Variants in ERLIN2 observed in about 807,000 individuals in gnomAD.
ERLIN2 encodes the protein ER lipid raft associated 2.
Under a neutral mutation model 41.5 loss-of-function variants are expected in ERLIN2, and 22 were observed. That is an observed-to-expected ratio of 0.53 (90% CI 0.38 to 0.76). The LOEUF (loss-of-function observed/expected upper bound fraction) is 0.76, where lower values mean the gene tolerates loss of function less well. Ranked by LOEUF, ERLIN2 falls within the 30% of genes least tolerant of loss-of-function variation. The pLI is 0.00. For synonymous variants in ERLIN2, 149 were observed against 150.9 expected, an observed-to-expected ratio of 0.99 and a Z score of 0.09; for missense variants, 247 against 414.3, an observed-to-expected ratio of 0.60 and a Z score of 3.51.
At chr8:37,743,477 T>C (rs1408147878) in intron 4 of ERLIN2, among the ~76,000 whole-genome samples, 2 of 152,218 alleles carry the variant, frequency 1.3e-5, no homozygotes, top group Non-Finnish European at 2.9e-5. Flanking sequence ...ATACCAGACC[T>C]TTTGGATTAC....
chr8:37,746,558 G>T, intron 6 of ERLIN2: 1 of 958,872 alleles, frequency 1.0e-6, no homozygotes, highest in Non-Finnish European at 1.2e-6. Context: ...AGATCATTTT[G>T]TTTATCTCAC....
In ERLIN2 at chr8:37,738,153, T is replaced by A. The variant is rs1802720866; in HGVS notation, c.107+124T>A. ...TATTTCCTTGAATAGGGGAGCCTTT[T>A]CAGATGGAGCTTTTTATGTCAGTAA... On this transcript the variant is annotated intron_variant, in intron 2 of 11. Coordinates refer to ENST00000519638, the MANE Select transcript of ERLIN2 (RefSeq NM_007175.8). The A allele has an allele frequency of 4.6e-6, 5 of 1,077,660 alleles. No individual in the cohort carries two copies. The South Asian group carries it at 6.5e-5, about 14-fold the overall frequency. The allele number at this position is 1,077,660 out of a possible 1,614,324, so 66.8% of individuals were successfully genotyped here.
At position 37,741,916 on chromosome 8, in the gene ERLIN2, T is replaced by TTCA; in HGVS notation, c.236+98_236+99insTCA. ...AGACAGTGAAAAGGGAGGCACCCTT[T>TTCA]CTTGGTTAATTCCCTGTCTCGTAGC... On this transcript the variant is annotated intron_variant, in intron 4 of 11. Transcript: ENST00000519638. This position sits in a 1 kb window ranked among gnomAD's most constrained non-coding sequence, Gnocchi z 4.8. 1.1e-6 allele frequency: 1 copy of TTCA among 897,634 alleles called. No individual in the cohort carries two copies. Among genetic ancestry groups the TTCA allele is most frequent in the Non-Finnish European group, 1.9e-6 (1 of 535,908 alleles). 55.6% of individuals were successfully genotyped at this position (897,634 alleles called of 1,614,324 possible). A position where few individuals can be genotyped will look rare whatever the true frequency, so the allele number is the denominator to read the frequency against.
chr8:37,746,152 A>G (rs1803041412), intron 6 of ERLIN2: 1 of 991,442 alleles, frequency 1.0e-6, no homozygotes, highest in South Asian at 4.6e-5. Flanking sequence ...TTGGCTTAGA[A>G]TCTGTCATAT....
At chr8:37,742,566 A>G (rs1802887812) in intron 4 of ERLIN2, among the ~76,000 whole-genome samples, 1 of 152,160 alleles carries the variant, frequency 6.6e-6, no homozygotes, top group Non-Finnish European at 1.5e-5. Flanking sequence ...AGAAAACCAA[A>G]CACCACATGT....
chr8:37,740,606 A>G (rs903212460), intron 3 of ERLIN2, 160 bp downstream of exon 3: 1 of 194,330 alleles, frequency 5.1e-6, no homozygotes, highest in Non-Finnish European at 9.8e-6. Context: ...ATATATATAT[A>G]TACACACATA....
chr8:37,741,143 AGG>A lies in ERLIN2; in HGVS notation c.190-628_190-627del, dbSNP rs1802838602. ...TGCTAGGGTCTGAGACAGGTTAAAT[AGG>A]TAATCTGCTGTTTCAAAACTAGTAC... On this transcript the variant is annotated intron_variant, in intron 3 of 11. Transcript: ENST00000519638. The surrounding 1 kb of genome is among the most constrained non-coding windows in gnomAD (Gnocchi z 4.8). Among the ~76,000 whole-genome samples, 1 of 152,184 alleles carries A rather than the reference AGG, an allele frequency of 6.6e-6. No individual in the cohort carries two copies. The highest frequency in any genetic ancestry group is 1.5e-5 in the Non-Finnish European group (1 of 68,048).
intron 1 of ERLIN2, chr8:37,737,293 T>G: frequency 6.4e-6 from 1 of 157,078 alleles, no homozygotes; most frequent in Non-Finnish European, 1.4e-5. Flanking sequence ...TGGGGGGGAG[T>G]GTGGCTTCAG....
rs1159588596 is a variant in ERLIN2 at position 37,758,264 on chromosome 8, T to C, written c.*4149T>C. The stretch of plus-strand genomic sequence containing the variant: ...TACACAAATAATATGATCTTAACAA[T>C]TGAATAGTTATGTTAAGAGTGTAGT... On this transcript the variant is annotated 3_prime_UTR_variant, in exon 12 of 12. Coordinates refer to ENST00000519638, the MANE Select transcript of ERLIN2 (RefSeq NM_007175.8). 1 of 152,204 alleles carries C rather than the reference T, an allele frequency of 6.6e-6. No homozygotes were observed. The highest frequency in any genetic ancestry group is 1.5e-5 in the Non-Finnish European group (1 of 68,048). The allele number at this position is 152,204 out of a possible 1,614,324, so 9.4% of individuals were successfully genotyped here.
At chr8:37,748,019 A>T (rs749416176) in intron 6 of ERLIN2, 6 of 1,604,132 alleles carry the variant, frequency 3.7e-6, no homozygotes, top group Non-Finnish European at 4.3e-6. Context: ...TCCAGGAGCA[A>T]CCTGAAAAAC....
At position 37,736,715 on chromosome 8, in the gene ERLIN2, C is replaced by G. The variant is rs981781056; in HGVS notation, c.-16+37C>G. On this transcript the variant is annotated intron_variant, in intron 1 of 11. Coordinates refer to ENST00000519638, the MANE Select transcript of ERLIN2 (RefSeq NM_007175.8). ...CCGCCCCTTCGTGCGCGCGCTGGGC[C>G]TAGCTGCCGCTCAGGGTCGGGGCTG... 5.1e-6 allele frequency: 5 copies of G among 985,602 alleles called. No individual in the cohort carries two copies. The African/African-American group carries it at 8.7e-5, about 17-fold the overall frequency. The allele number at this position is 985,602 out of a possible 1,614,324, so 61.1% of individuals were successfully genotyped here. A position where few individuals can be genotyped will look rare whatever the true frequency, so the allele number is the denominator to read the frequency against.
intron 6 of ERLIN2, among the ~76,000 whole-genome samples, chr8:37,748,309 G>A (rs1195715766): frequency 6.6e-6 from 1 of 152,180 alleles, no homozygotes; most frequent in African/African-American, 2.4e-5. Flanking sequence ...AGTTTGGTTG[G>A]TATTCTACTT....
chr8:37,749,646 C>T lies in ERLIN2; in HGVS notation c.498+14C>T. 1 of 1,604,160 alleles carries T rather than the reference C, an allele frequency of 6.2e-7. No homozygotes were observed. ...CTGGTCATTCAAGTAAGCATTGCTG[C>T]ATGGGAGCAGCCCCTCTCTCTCTGA... On this transcript the variant is annotated intron_variant, in intron 7 of 11. Transcript: ENST00000519638.
At chr8:37,753,324 A>G in intron 10 of ERLIN2, 126 bp from the exon 11 acceptor site, 1 of 749,742 alleles carries the variant, frequency 1.3e-6, no homozygotes, top group South Asian at 1.5e-5. Context: ...GTCTGCCCCA[A>G]GTCACAGAGG....
chr8:37,749,595 A>C lies in ERLIN2; in HGVS notation c.461A>C (p.Gln154Pro), dbSNP rs1803168761. The C allele has an allele frequency of 6.2e-7, 1 of 1,613,974 alleles. No homozygotes were observed. The highest frequency in any genetic ancestry group is 1.7e-5 in the Admixed American group (1 of 60,022). The change falls in exon 7 of 12, where the codon CAG (glutamine) becomes CCG (proline). Residue 154 changes from glutamine to proline, a missense_variant. Around this residue, in one of 3 missense-constraint regions of ERLIN2, gnomAD observed 153 missense variants for 256.4 expected, o/e 0.60. Coordinates refer to ENST00000519638, the MANE Select transcript of ERLIN2 (RefSeq NM_007175.8). ...GAAAATCTCAAACTGGCTTTGCAAC[A>C]GGACCTGACCTCCATGGCCCCTGGG... Reference protein sequence around the residue: ...IDENLKLALQQDLTSMAPGLV... With the variant: ...IDENLKLALQPDLTSMAPGLV...
chr8:37,740,479 C>A, intron 3 of ERLIN2, 33 bp downstream of exon 3: 2 of 1,543,870 alleles, frequency 1.3e-6, no homozygotes, highest in Non-Finnish European at 1.8e-6. Flanking sequence ...GGCTGGACGA[C>A]TGCAAACTTG....
intron 2 of ERLIN2, 41 bp downstream of exon 2, chr8:37,738,070 A>G (rs772488282): frequency 6.8e-6 from 11 of 1,611,374 alleles, no homozygotes; most frequent in Admixed American, 6.7e-5. Context: ...TTCCTGTTAA[A>G]TAGCTCCCTT....
At chr8:37,750,371 C>T (rs1224954541) in intron 8 of ERLIN2, 24 bp from the exon 9 acceptor site, 2 of 1,592,924 alleles carry the variant, frequency 1.3e-6, no homozygotes, top group Non-Finnish European at 8.6e-7. Flanking sequence ...CCATAGCTGC[C>T]TCACGGCTTT....
rs1335787482 is a variant in ERLIN2, at chr8:37,756,936, T to C, written c.*2821T>C. 3.3e-5 allele frequency: 5 copies of C among 152,438 alleles called. No individual in the cohort carries two copies. The highest frequency in any genetic ancestry group is 5.9e-5 in the Non-Finnish European group (4 of 68,028). 9.4% of individuals were successfully genotyped at this position (152,438 alleles called of 1,614,324 possible). A position where few individuals can be genotyped will look rare whatever the true frequency, so the allele number is the denominator to read the frequency against. ...TGCAGAAGTGATTCATATTCAGTACTGTTTTTAATCACTTTTTAAAATATA... is the reference window on the plus strand; with the variant it reads ...TGCAGAAGTGATTCATATTCAGTACCGTTTTTAATCACTTTTTAAAATATA... On this transcript the variant is annotated 3_prime_UTR_variant, in exon 12 of 12. Coordinates refer to ENST00000519638, the MANE Select transcript of ERLIN2 (RefSeq NM_007175.8).
Sources: gnomAD v4.1 joint callset for allele counts (sites outside exome capture counted in the v4.1 genomes callset) on GRCh38, gnomAD v4.1.1 for gene constraint, gnomAD v4.1.1 regional missense constraint, Gnocchi (gnomAD v3.1) non-coding constraint, MANE v1.5 for transcripts, NCBI Gene and HGNC (gene_info 2026-07-23, HGNC 2026-07-21) for gene names.